The following CUL2 variants were observed in gnomAD, a reference collection of about 807,000 sequenced individuals.
CUL2 encodes the protein cullin 2.
In CUL2, 22 loss-of-function variants were observed where a neutral mutation model predicts 110.2. That is an observed-to-expected ratio of 0.20 (90% CI 0.14 to 0.28). The LOEUF is 0.28. Among genes scored for constraint, CUL2 ranks in the 10% least tolerant of loss-of-function variants. CUL2 has a pLI of 1.00. For missense variants in CUL2, 631 were observed against 905.5 expected, an observed-to-expected ratio of 0.70 and a Z score of 3.89; for synonymous variants, 279 against 293.2, an observed-to-expected ratio of 0.95 and a Z score of 0.49.
At chr10:35,094,013 T>C (rs2087255853), upstream of CUL2, among the ~76,000 whole-genome samples, 1 of 152,170 alleles carries the variant, frequency 6.6e-6, no homozygotes, top group African/African-American at 2.4e-5. Context: ...CCTTTAAATT[T>C]CTAATACAAT....
At chr10:35,035,117 G>T in intron 10 of CUL2, 55 bp downstream of exon 10, 4 of 1,597,298 alleles carry the variant, frequency 2.5e-6, no homozygotes, top group East Asian at 2.2e-5. Context: ...CAAAGGAAAG[G>T]CTCCACGCTG....
chr10:35,125,866 G>A (rs1011498467), intron 1 of CUL2, among the ~76,000 whole-genome samples: 1 of 152,092 alleles, frequency 6.6e-6, no homozygotes, highest in African/African-American at 2.4e-5. Flanking sequence ...GCCTCGCTCT[G>A]TCACCCAGAC....
Position 35,126,137 on chromosome 10 carries a change from A to C in CUL2, c.-51+468T>G, listed in dbSNP as rs548464188. Among the ~76,000 whole-genome samples, 197 of 152,244 alleles carry C rather than the reference A, an allele frequency of 1.3e-3. 2 individuals are homozygous for C. In the Middle Eastern group the frequency reaches 0.017, roughly 13 times the overall value. ...GGCCGACCTTTCTAATCTAAAAAAA[A>C]AAAAAGAGATGAAGTCTCACTGTGT... On this transcript the variant is annotated intron_variant, in intron 1 of 5. Transcript: ENST00000685421.
In CUL2 at chr10:35,032,450, G is replaced by T; in HGVS notation, c.1155C>A (p.Cys385Ter). 6.3e-7 allele frequency: 1 copy of T among 1,591,336 alleles called. No individual in the cohort carries two copies. Among genetic ancestry groups the T allele is most frequent in the Admixed American group, 1.9e-5 (1 of 53,934 alleles). The change falls in exon 12 of 21, where the codon TGC (cysteine) becomes TGA (stop). Residue 385 changes from cysteine (C) to a stop codon, truncating the protein, a stop_gained. Transcript: ENST00000374749. LOFTEE classifies it high-confidence loss of function. Reference protein sequence around the residue: ...VVNYREPKSVCKAPELLAKYC... With the variant: ...VVNYREPKSV ...CCAAACTTACCAGTTCAGGTGCTTT[G>T]CAAACAGACTTAGGTTCTCTGTAAT...
At chr10:35,083,071 C>T (rs1017370168) in intron 1 of CUL2, among the ~76,000 whole-genome samples, 8 of 150,396 alleles carry the variant, frequency 5.3e-5, no homozygotes, top group Admixed American at 6.7e-5. Context: ...GCAGGAGAAT[C>T]GCTTGAACCC....
At chr10:35,010,509 A>C in intron 20 of CUL2, 67 bp from the exon 21 acceptor site, 1 of 1,480,196 alleles carries the variant, frequency 6.8e-7, no homozygotes, top group South Asian at 1.4e-5. Flanking sequence ...ACTTTTAACC[A>C]ATCAGTTTAA....
chr10:35,047,508 G>A (rs1230334493), intron 6 of CUL2, among the ~76,000 whole-genome samples: 1 of 151,646 alleles, frequency 6.6e-6, no homozygotes, highest in Non-Finnish European at 1.5e-5. Flanking sequence ...TACTCGGGAG[G>A]CTGAGGCAGA....
In CUL2 at chr10:35,009,634, G is replaced by A. The variant is rs2084850195; in HGVS notation, c.*677C>T. On this transcript the variant is annotated 3_prime_UTR_variant, in exon 21 of 21. Transcript: ENST00000374749. ...GAATTACATCTTCAAGATTCAAAAT[G>A]TTTAGATCCAATATATCTAATCCAT... 1 of 152,188 alleles carries A rather than the reference G, an allele frequency of 6.6e-6. No individual in the cohort carries two copies. Among genetic ancestry groups the A allele is most frequent in the African/African-American group, 2.4e-5 (1 of 41,444 alleles). 9.4% of individuals were successfully genotyped at this position (152,188 alleles called of 1,614,324 possible). A position where few individuals can be genotyped will look rare whatever the true frequency, so the allele number is the denominator to read the frequency against.
intron 2 of CUL2, among the ~76,000 whole-genome samples, chr10:35,098,795 A>G (rs1285086707): frequency 1.3e-5 from 2 of 152,054 alleles, no homozygotes; most frequent in East Asian, 1.9e-4. Context: ...TTAGCTGGGC[A>G]CGGTGGCAGG....
intron 1 of CUL2, among the ~76,000 whole-genome samples, chr10:35,111,375 C>T (rs1429890085): frequency 1.3e-5 from 2 of 151,884 alleles, no homozygotes; most frequent in African/African-American, 4.8e-5. Flanking sequence ...TCCTAGCTTC[C>T]CAAGTAGTTG....
chr10:35,098,283 T>C (rs143159515), intron 2 of CUL2, among the ~76,000 whole-genome samples: 1 of 152,308 alleles, frequency 6.6e-6, no homozygotes, highest in Non-Finnish European at 1.5e-5. Context: ...CTATTTGAGA[T>C]AGATAACTCA....
At chr10:35,055,172 G>A (rs1386853823) in intron 4 of CUL2, among the ~76,000 whole-genome samples, 3 of 152,222 alleles carry the variant, frequency 2.0e-5, no homozygotes, top group Non-Finnish European at 4.4e-5. Flanking sequence ...GACTCGTAAT[G>A]TTCAACTGTG....
At chr10:35,096,186 T>G in intron 2 of CUL2, among the ~76,000 whole-genome samples, 1 of 151,970 alleles carries the variant, frequency 6.6e-6, no homozygotes, top group East Asian at 1.9e-4. Flanking sequence ...AGGCAGAGGT[T>G]TCAGTGAGTT....
chr10:35,115,747 TTA>T (rs2087586300), intron 1 of CUL2, among the ~76,000 whole-genome samples: 2 of 151,006 alleles, frequency 1.3e-5, no homozygotes, highest in Non-Finnish European at 2.9e-5. Context: ...AATACAAAAA[TTA>T]GCTGGGTGTG....
chr10:35,043,334 C>T (rs2085843584), intron 8 of CUL2, among the ~76,000 whole-genome samples: 2 of 151,542 alleles, frequency 1.3e-5, no homozygotes, highest in South Asian at 2.1e-4. Flanking sequence ...GGGCTAAGAG[C>T]TTAGAACCAC....
At chr10:35,040,166 T>C (rs2085745760) in intron 8 of CUL2, among the ~76,000 whole-genome samples, 1 of 151,940 alleles carries the variant, frequency 6.6e-6, no homozygotes, top group Non-Finnish European at 1.5e-5. Context: ...AAAATAAATA[T>C]AAATAAAAAA....
At chr10:35,126,377 A>C (rs1442727970) in intron 1 of CUL2, among the ~76,000 whole-genome samples, 2 of 152,224 alleles carry the variant, frequency 1.3e-5, no homozygotes, top group Admixed American at 6.5e-5. Context: ...CTGGCTGTGA[A>C]TATGGAGGAA....
chr10:35,101,185 T>C (rs914811150), intron 1 of CUL2: 9 of 152,204 alleles, frequency 5.9e-5, no homozygotes, highest in African/African-American at 2.2e-4. Flanking sequence ...TCATAGCCAG[T>C]TGGGCATTTA....
At chr10:35,122,774 A>T (rs534188072) in intron 1 of CUL2, among the ~76,000 whole-genome samples, 18 of 152,246 alleles carry the variant, frequency 1.2e-4, no homozygotes, top group African/African-American at 3.9e-4. Flanking sequence ...AGTAGCTGGG[A>T]TTACAGGCAT....
Sources: allele counts gnomAD v4.1 joint callset (sites outside exome capture counted in the v4.1 genomes callset), GRCh38; gene constraint gnomAD v4.1.1; transcripts MANE v1.5; gene names NCBI Gene and HGNC (gene_info 2026-07-23, HGNC 2026-07-21).